ABCA13: variants seen among roughly 807,000 people sequenced by gnomAD.
ABCA13 encodes the protein ATP binding cassette subfamily A member 13.
ABCA13 carries 476 observed loss-of-function variants against 478.7 expected under a neutral mutation model. The ratio of observed to expected loss-of-function variants is 0.99; its 90% CI spans 0.92 to 1.07. The LOEUF is 1.07. Ranked by LOEUF, ABCA13 falls within the 50% of genes least tolerant of loss-of-function variation. ABCA13 has a pLI of 0.00. For synonymous variants in ABCA13, 2,252 were observed against 2,158.9 expected, an observed-to-expected ratio of 1.04 and a Z score of -1.20; for missense variants, 6,060 against 5,910.6, an observed-to-expected ratio of 1.03 and a Z score of -0.83.
intron 23 of ABCA13, among the ~76,000 whole-genome samples, chr7:48,309,383 C>A (rs1584769290): frequency 6.6e-6 from 1 of 151,996 alleles, no homozygotes; most frequent in Non-Finnish European, 1.5e-5. Flanking sequence ...CCTTTAATTG[C>A]GATGCATGAT....
intron 55 of ABCA13, among the ~76,000 whole-genome samples, chr7:48,568,769 G>C (rs1038076913): frequency 7.9e-5 from 12 of 151,610 alleles, no homozygotes; most frequent in African/African-American, 2.9e-4. Context: ...TTTTGGCATT[G>C]TTTTTATTGT....
In ABCA13 at chr7:48,627,487, A is replaced by C. The variant is rs142239211; in HGVS notation, c.14837+12110A>C. 1.4e-4 allele frequency among the ~76,000 whole-genome samples: 22 copies of C among 152,292 alleles called. No homozygotes were observed. The East Asian group carries it at 4.3e-3, about 29-fold the overall frequency. ...AAAGCCTGGTTTGATGAAATAAAAG[A>C]TATTTAGAGTAAGACTCTTACTCAC... On this transcript the variant is annotated intron_variant, in intron 59 of 61. Transcript: ENST00000435803.
intron 41 of ABCA13, among the ~76,000 whole-genome samples, chr7:48,420,711 C>T (rs1820624610): frequency 6.6e-6 from 1 of 151,396 alleles, no homozygotes; most frequent in African/African-American, 2.4e-5. Context: ...AAAGCCTGGG[C>T]CTCAGATGTA....
rs561350040 is a variant in ABCA13 at position 48,602,093 on chromosome 7, G to C, written c.14744+7280G>C. ...TTGTTTCTTTTTTTCTTGTAAATTT[G>C]TTTAAGTTCTTTGTAGATTCTGGAT... is the stretch of plus-strand genomic sequence containing the variant. On this transcript the variant is annotated intron_variant, in intron 58 of 61. Transcript: ENST00000435803. 7.9e-5 allele frequency among the ~76,000 whole-genome samples: 12 copies of C among 152,058 alleles called. No homozygotes were observed. In the East Asian group the frequency reaches 2.3e-3, roughly 29 times the overall value.
chr7:48,352,300 G>A lies in ABCA13; in HGVS notation c.10501G>A (p.Val3501Ile). The change falls in exon 31 of 62, where the codon GTA (valine) becomes ATA (isoleucine). Residue 3501 changes from valine to isoleucine, a missense_variant. Val to Ile is a conservative substitution (Grantham distance 29). Transcript: ENST00000435803. ...NVLYSVRTDVVKNPSWKFHPQ... is the reference protein window; with the variant it reads ...NVLYSVRTDVIKNPSWKFHPQ... The stretch of plus-strand genomic sequence containing the variant: ...GTTATACAGCGTGCGAACAGATGTG[G>A]TAAAAAACCCTTCTTGGAAGTTCCA... 1 of 1,613,832 alleles carries A rather than the reference G, an allele frequency of 6.2e-7. No individual in the cohort carries two copies.
chr7:48,379,904 TC>T (rs1814083461), intron 35 of ABCA13, among the ~76,000 whole-genome samples: 1 of 152,228 alleles, frequency 6.6e-6, no homozygotes, highest in Admixed American at 6.5e-5. Context: ...TAACAGAAGA[TC>T]CATTTTCTGT....
intron 42 of ABCA13, among the ~76,000 whole-genome samples, chr7:48,445,784 G>A (rs1171953008): frequency 1.3e-5 from 2 of 152,100 alleles, no homozygotes; most frequent in Non-Finnish European, 2.9e-5. Context: ...TATCTCGTGT[G>A]TGGCTGTATT....
intron 21 of ABCA13, among the ~76,000 whole-genome samples, chr7:48,296,133 G>A (rs1050425233): frequency 2.6e-5 from 4 of 152,192 alleles, no homozygotes; most frequent in Non-Finnish European, 4.4e-5. Flanking sequence ...GCAAATGCCT[G>A]TAATCCCCTC....
Position 48,240,991 on chromosome 7 carries a change from T to C in ABCA13, c.1187T>C (p.Leu396Pro), listed in dbSNP as rs543744163. The change falls in exon 10 of 62, where the codon CTG becomes CCG. Residue 396 changes from leucine (L) to proline (P), a missense_variant. Transcript: ENST00000435803. ...AAGCCCTGGAAGGTGGTGGAAGCTC[T>C]GCACACTGCACTGCTCCTGCTGAAT... ...ESKPWKVVEA[L>P]HTALLLLNDS... 1.2e-6 allele frequency: 2 copies of C among 1,614,066 alleles called. No homozygotes were observed. The highest frequency in any genetic ancestry group is 4.5e-5 in the East Asian group (2 of 44,894).
Position 48,280,186 on chromosome 7 carries a change from C to T in ABCA13, c.8726+266C>T, listed in dbSNP as rs144771046. Among the ~76,000 whole-genome samples, 509 of 152,300 alleles carry T rather than the reference C, an allele frequency of 3.3e-3. 2 individuals are homozygous for T. Among genetic ancestry groups the T allele is most frequent in the African/African-American group, 0.012 (485 of 41,568 alleles). ...ATTTTATTCTCAGAAGCAAAAACCT[C>T]TTATTCTATTCACTCATCCCAAGAC... On this transcript the variant is annotated intron_variant, in intron 18 of 61. Coordinates refer to ENST00000435803, the MANE Select transcript of ABCA13 (RefSeq NM_152701.5).
In ABCA13 at chr7:48,489,240, G is replaced by T. The variant is rs763396002; in HGVS notation, c.13187G>T (p.Trp4396Leu). The T allele has an allele frequency of 6.2e-7, 1 of 1,606,770 alleles. No individual in the cohort carries two copies. The change falls in exon 48 of 62, where the codon TGG becomes TTG. Residue 4396 changes from tryptophan (W) to leucine (L), a missense_variant. This residue lies in a region of ABCA13 where 1,627 missense variants were observed against 1,571.0 expected (regional missense o/e 1.04). Coordinates refer to ENST00000435803, the MANE Select transcript of ABCA13 (RefSeq NM_152701.5). ...ISKPPTLAKV[W>L]YNQKGFHSLP... is the part of the protein sequence containing the mutation. ...AAATTATCTTTCTTTTTTTAGGTGT[G>T]GTATAATCAGAAGGGTTTTCATTCC...
intron 55 of ABCA13, among the ~76,000 whole-genome samples, chr7:48,556,055 C>G (rs969699096): frequency 6.6e-6 from 1 of 151,664 alleles, no homozygotes. Flanking sequence ...AATTTCTTTA[C>G]TAATCTACTG....
intron 29 of ABCA13, among the ~76,000 whole-genome samples, chr7:48,348,737 A>G (rs566010668): frequency 3.2e-4 from 49 of 152,308 alleles, no homozygotes; most frequent in Non-Finnish European, 5.7e-4. Context: ...TTCTTTCTGA[A>G]ATATAGATGA....
chr7:48,589,662 A>AT (rs1563475843), intron 57 of ABCA13, among the ~76,000 whole-genome samples: 1 of 152,194 alleles, frequency 6.6e-6, no homozygotes, highest in East Asian at 1.9e-4. Flanking sequence ...CTGTGCTGCT[A>AT]TAACAGACTG....
chr7:48,571,992 A>G (rs1003358856), intron 55 of ABCA13, among the ~76,000 whole-genome samples: 5 of 152,182 alleles, frequency 3.3e-5, no homozygotes, highest in Admixed American at 6.5e-5. Context: ...AGCCTGCCCA[A>G]CGTGGCAAAA....
At chr7:48,410,251 G>A (rs1458020686) in intron 39 of ABCA13, among the ~76,000 whole-genome samples, 1 of 151,850 alleles carries the variant, frequency 6.6e-6, no homozygotes, top group African/African-American at 2.4e-5. Flanking sequence ...ACTCTGTTTT[G>A]CCCCCCAGTT....
At chr7:48,396,286 G>A (rs1349303208) in intron 38 of ABCA13, among the ~76,000 whole-genome samples, 1 of 152,230 alleles carries the variant, frequency 6.6e-6, no homozygotes, top group Non-Finnish European at 1.5e-5. Context: ...GGCCAGAGGG[G>A]CCTTCTGCTT....
chr7:48,202,653 A>G, intron 3 of ABCA13, among the ~76,000 whole-genome samples: 1 of 151,780 alleles, frequency 6.6e-6, no homozygotes, highest in African/African-American at 2.4e-5. Context: ...AAGGTTCTCC[A>G]AGGCCCCACC....
At chr7:48,475,944 C>A (rs186154308) in intron 45 of ABCA13, among the ~76,000 whole-genome samples, 4 of 152,142 alleles carry the variant, frequency 2.6e-5, no homozygotes, top group Non-Finnish European at 5.9e-5. Context: ...GGTCTGAGCT[C>A]CAGTGGATAA....
Sources: gnomAD v4.1 joint callset for allele counts (sites outside exome capture counted in the v4.1 genomes callset) on GRCh38, gnomAD v4.1.1 for gene constraint, gnomAD v4.1.1 regional missense constraint, MANE v1.5 for transcripts, NCBI Gene and HGNC (gene_info 2026-07-23, HGNC 2026-07-21) for gene names.